The following SLC25A25 variants were observed in gnomAD, a reference collection of about 807,000 sequenced individuals.
The protein encoded by SLC25A25 is mitochondrial adenyl nucleotide antiporter SLC25A25.
SLC25A25 carries 32 observed loss-of-function variants against 57.7 expected under a neutral mutation model. The ratio of observed to expected loss-of-function variants is 0.55; its 90% CI spans 0.42 to 0.74. The LOEUF (loss-of-function observed/expected upper bound fraction) is 0.74. SLC25A25 is among the 30% of genes least tolerant of loss of function. SLC25A25 has a pLI of 0.00. For missense variants in SLC25A25, 556 were observed against 701.3 expected (o/e 0.79, Z 2.34); for synonymous variants, 306 against 291.2 (o/e 1.05, Z -0.52).
intron 1 of SLC25A25, among the ~76,000 whole-genome samples, chr9:128,084,861 C>T (rs1334889926): frequency 1.3e-5 from 2 of 152,162 alleles, no homozygotes; most frequent in Non-Finnish European, 2.9e-5. Context: ...GTATTAACCT[C>T]CTCTTAACCA....
chr9:128,079,976 C>T (rs1202969698), intron 1 of SLC25A25, among the ~76,000 whole-genome samples: 2 of 147,084 alleles, frequency 1.4e-5, no homozygotes, highest in South Asian at 2.2e-4. Flanking sequence ...GCTGACAGAG[C>T]GAGACTCCCT....
At chr9:128,079,617 A>T (rs1159603657) in intron 1 of SLC25A25, among the ~76,000 whole-genome samples, 4 of 150,752 alleles carry the variant, frequency 2.7e-5, no homozygotes, top group African/African-American at 9.7e-5. Flanking sequence ...AAAAAAAAAA[A>T]AAAAAAAAAA....
Position 128,102,746 on chromosome 9 carries a change from C to A in SLC25A25, c.624+265C>A, listed in dbSNP as rs183517056. Among the ~76,000 whole-genome samples the A allele has an allele frequency of 6.6e-6, 1 of 152,338 alleles. No individual in the cohort carries two copies. Among genetic ancestry groups the A allele is most frequent in the African/African-American group, 2.4e-5 (1 of 41,578 alleles). On this transcript the variant is annotated intron_variant, in intron 5 of 10. Transcript: ENST00000373069. This position sits in a 1 kb window ranked among gnomAD's most constrained non-coding sequence, Gnocchi z 4.1. ...CTCCGTCCCCACATGCTCCCTGCTCCCTGCTCCTCATGGGCCACTTCAAAT... is the reference window on the plus strand; with the variant it reads ...CTCCGTCCCCACATGCTCCCTGCTCACTGCTCCTCATGGGCCACTTCAAAT...
rs1324548727 is a variant in SLC25A25, at chr9:128,106,526, GC to G, written c.1212+9del. The G allele has an allele frequency of 1.3e-6, 2 of 1,591,370 alleles. No individual in the cohort carries two copies. The highest frequency in any genetic ancestry group is 1.7e-6 in the Non-Finnish European group (2 of 1,171,900). On this transcript the variant is annotated splice_region_variant and intron_variant, in intron 9 of 10. Coordinates refer to ENST00000373069, the MANE Select transcript of SLC25A25 (RefSeq NM_001330988.2). The stretch of plus-strand genomic sequence containing the variant: ...TCGACCTTGCAGTCTACGAGGTGAG[GC>G]CCAAGCTGGACAGATTTAGAAACCT...
At position 128,102,058 on chromosome 9, in the gene SLC25A25, G is replaced by A. The variant is rs1374110179; in HGVS notation, c.477-22G>A. 5.2e-6 allele frequency: 8 copies of A among 1,550,370 alleles called. No homozygotes were observed. Among genetic ancestry groups the A allele is most frequent in the African/African-American group, 1.4e-5 (1 of 72,988 alleles). ...GCGTGTTGTTTCTGCTCTCTCCTCC[G>A]CATCCTTTGTCTGTCTGTCAGAATA... On this transcript the variant is annotated intron_variant, in intron 3 of 10. Transcript: ENST00000373069. The surrounding 1 kb of genome is among the most constrained non-coding windows in gnomAD (Gnocchi z 4.1).
rs552598539 is a variant in SLC25A25 at position 128,097,392 on chromosome 9, C to G, written c.262-3704C>G. ...TGCCCAGTGACTATGCGTGGCTATC[C>G]TGGGGAACTGAGTTTGTAATTTCAT... On this transcript the variant is annotated intron_variant, in intron 1 of 10. Coordinates refer to ENST00000373069, the MANE Select transcript of SLC25A25 (RefSeq NM_001330988.2). 3.9e-5 allele frequency among the ~76,000 whole-genome samples: 6 copies of G among 152,336 alleles called. No individual in the cohort carries two copies. In the South Asian group the frequency reaches 1.2e-3, roughly 32 times the overall value.
intron 1 of SLC25A25, chr9:128,098,230 C>G (rs1276393416): frequency 1.4e-5 from 3 of 212,086 alleles, no homozygotes; most frequent in African/African-American, 6.9e-5. Flanking sequence ...TTTGTTTGGG[C>G]TCTGTACCTG....
At position 128,099,333 on chromosome 9, in the gene SLC25A25, A is replaced by G. The variant is rs1833692648; in HGVS notation, c.262-1763A>G. ...CAAGGAAGGAGACAGAAGGAGGCCC[A>G]GGCCCTGTGAGGCAGAAGCAAGCAC... On this transcript the variant is annotated intron_variant, in intron 1 of 10. Transcript: ENST00000373069. This position sits in a 1 kb window ranked among gnomAD's most constrained non-coding sequence, Gnocchi z 6.8. The G allele has an allele frequency of 7.9e-7, 1 of 1,261,370 alleles. No homozygotes were observed. The highest frequency in any genetic ancestry group is 1.0e-6 in the Non-Finnish European group (1 of 977,226). 78.1% of individuals were successfully genotyped at this position (1,261,370 alleles called of 1,614,324 possible). A position where few individuals can be genotyped will look rare whatever the true frequency, so the allele number is the denominator to read the frequency against.
chr9:128,084,682 C>G (rs185459773), intron 1 of SLC25A25, among the ~76,000 whole-genome samples: 2 of 152,294 alleles, frequency 1.3e-5, no homozygotes, highest in East Asian at 3.9e-4. Flanking sequence ...TGTCACCCAG[C>G]CACCTTGGGC....
At chr9:128,091,549 T>TC (rs1030010596) in intron 1 of SLC25A25, 3 of 248,790 alleles carry the variant, frequency 1.2e-5, no homozygotes, top group African/African-American at 8.0e-5. Flanking sequence ...TCCTTTTCTT[T>TC]TTTTTTTTTT....
At chr9:128,084,694 C>T (rs984559100) in intron 1 of SLC25A25, among the ~76,000 whole-genome samples, 8 of 152,324 alleles carry the variant, frequency 5.3e-5, no homozygotes, top group African/African-American at 9.6e-5. Flanking sequence ...ACCTTGGGCT[C>T]ATGTTCTCAG....
At chr9:128,087,230 G>A (rs903241067) in intron 1 of SLC25A25, among the ~76,000 whole-genome samples, 2 of 152,002 alleles carry the variant, frequency 1.3e-5, no homozygotes, top group Non-Finnish European at 1.5e-5. Context: ...GAGCCACCGC[G>A]CCCGGCCCCC....
At position 128,098,476 on chromosome 9, in the gene SLC25A25, G is replaced by C. The variant is rs41276222; in HGVS notation, c.262-2620G>C. 6.8e-4 allele frequency: 1,043 copies of C among 1,527,462 alleles called. 4 individuals carry two copies. The highest frequency in any genetic ancestry group is 8.3e-4 in the Non-Finnish European group (939 of 1,135,770). 94.6% of individuals were successfully genotyped at this position (1,527,462 alleles called of 1,614,324 possible). A position where few individuals can be genotyped will look rare whatever the true frequency, so the allele number is the denominator to read the frequency against. ...AGCAGCCAATGACAGCTGAGGCCAGGCTTGTCTTATGCAAGTTTCCCGGGA... is the reference window on the plus strand; with the variant it reads ...AGCAGCCAATGACAGCTGAGGCCAGCCTTGTCTTATGCAAGTTTCCCGGGA... On this transcript the variant is annotated intron_variant, in intron 1 of 10. Transcript: ENST00000373069.
Position 128,108,511 on chromosome 9 carries a change from C to G in SLC25A25, c.*1067C>G. 2.7e-6 allele frequency: 1 copy of G among 367,386 alleles called. No individual in the cohort carries two copies. Among genetic ancestry groups the G allele is most frequent in the Non-Finnish European group, 4.8e-6 (1 of 206,884 alleles). The allele number at this position is 367,386 out of a possible 1,614,324, so 22.8% of individuals were successfully genotyped here. ...TTCCACTTGTGTCACTGCTTGGAACCTATTTATTTTGTATTTATTTGAACA... is the reference window on the plus strand; with the variant it reads ...TTCCACTTGTGTCACTGCTTGGAACGTATTTATTTTGTATTTATTTGAACA... On this transcript the variant is annotated 3_prime_UTR_variant, in exon 11 of 11. Coordinates refer to ENST00000373069, the MANE Select transcript of SLC25A25 (RefSeq NM_001330988.2).
intron 1 of SLC25A25, among the ~76,000 whole-genome samples, chr9:128,080,359 A>T (rs1422163764): frequency 6.6e-6 from 1 of 151,184 alleles, no homozygotes; most frequent in Non-Finnish European, 1.5e-5. Context: ...CAAAAAAAAA[A>T]AAAAAAAAAA....
rs1314903392 is a variant in SLC25A25 at position 128,103,765 on chromosome 9, G to A, written c.709G>A (p.Val237Met). 1 of 1,614,080 alleles carries A rather than the reference G, an allele frequency of 6.2e-7. No homozygotes were observed. The highest frequency in any genetic ancestry group is 1.7e-5 in the Admixed American group (1 of 60,026). Residue 237 changes from valine to methionine, a missense_variant, in exon 6 of 11, where the codon GTG becomes ATG. Coordinates refer to ENST00000373069, the MANE Select transcript of SLC25A25 (RefSeq NM_001330988.2). This position sits in a 1 kb window ranked among gnomAD's most constrained non-coding sequence, Gnocchi z 6.7. ...GACGGGGATGTGGTGGAGACACCTGGTGGCAGGAGGTGGGGCAGGGGCCGT... is the reference window on the plus strand; with the variant it reads ...GACGGGGATGTGGTGGAGACACCTGATGGCAGGAGGTGGGGCAGGGGCCGT... ...RQTGMWWRHL[V>M]AGGGAGAVSR... is the part of the protein sequence containing the mutation.
In SLC25A25 at chr9:128,095,993, A is replaced by G. The variant is rs1209738264; in HGVS notation, c.262-5103A>G. Among the ~76,000 whole-genome samples the G allele has an allele frequency of 6.6e-6, 1 of 152,214 alleles. No individual in the cohort carries two copies. The highest frequency in any genetic ancestry group is 2.4e-5 in the African/African-American group (1 of 41,466). On this transcript the variant is annotated intron_variant, in intron 1 of 10. Coordinates refer to ENST00000373069, the MANE Select transcript of SLC25A25 (RefSeq NM_001330988.2). The surrounding 1 kb of genome is among the most constrained non-coding windows in gnomAD (Gnocchi z 4.4). ...TCTCCAATTGAACTTATTCAGTCAA[A>G]ATATTTGCTTTTTTATATTAGAATG...
rs373779678 is a variant in SLC25A25, at chr9:128,103,387, T to G, written c.625-294T>G. ...ACAGGCCTGTGAGCTGTTCTTGCAGTAGCTCCCTGGCAGCATTGGAAAGGG... is the reference window on the plus strand; with the variant it reads ...ACAGGCCTGTGAGCTGTTCTTGCAGGAGCTCCCTGGCAGCATTGGAAAGGG... On this transcript the variant is annotated intron_variant, in intron 5 of 10. Coordinates refer to ENST00000373069, the MANE Select transcript of SLC25A25 (RefSeq NM_001330988.2). This position sits in a 1 kb window ranked among gnomAD's most constrained non-coding sequence, Gnocchi z 6.7. Among the ~76,000 whole-genome samples the G allele has an allele frequency of 2.1e-4, 32 of 152,350 alleles. No individual in the cohort carries two copies. Among genetic ancestry groups the G allele is most frequent in the African/African-American group, 7.0e-4 (29 of 41,584 alleles).
intron 1 of SLC25A25, among the ~76,000 whole-genome samples, chr9:128,092,651 G>A (rs1347864215): frequency 1.3e-5 from 2 of 152,170 alleles, no homozygotes; most frequent in East Asian, 1.9e-4. Flanking sequence ...AAATGACTGC[G>A]GCCGCTGCGG....
Sources: gnomAD v4.1 joint callset for allele counts (sites outside exome capture counted in the v4.1 genomes callset) on GRCh38, gnomAD v4.1.1 for gene constraint, Gnocchi (gnomAD v3.1) non-coding constraint, MANE v1.5 for transcripts, NCBI Gene and HGNC (gene_info 2026-07-23, HGNC 2026-07-21) for gene names.